Variants in STK32B observed in about 807,000 individuals in gnomAD.
The protein encoded by STK32B is serine/threonine-protein kinase 32B.
A neutral mutation model predicts 52.6 loss-of-function variants in STK32B; 43 were observed. The observed-to-expected ratio is 0.82, with a 90% CI of 0.64 to 1.05. STK32B has a LOEUF of 1.05. Ranked by LOEUF, STK32B falls within the 50% of genes least tolerant of loss-of-function variation. STK32B has a pLI of 0.00. For synonymous variants in STK32B, 238 were observed against 204.3 expected, an observed-to-expected ratio of 1.17 and a Z score of -1.41; for missense variants, 621 against 534.6, an observed-to-expected ratio of 1.16 and a Z score of -1.59.
chr4:5,350,012 T>G (rs575206597), intron 4 of STK32B, among the ~76,000 whole-genome samples: 111 of 152,170 alleles, frequency 7.3e-4, no homozygotes, highest in Admixed American at 1.2e-3. Context: ...GATATTCAAA[T>G]TTTCAGTGTC....
chr4:5,140,186 A>T (rs1356967549), intron 2 of STK32B: 3 of 1,491,484 alleles, frequency 2.0e-6, no homozygotes, highest in South Asian at 1.2e-5. Context: ...TTACAATGGT[A>T]TTTATTTCAG....
chr4:5,026,142 A>G, the STK32B span, among the ~76,000 whole-genome samples: 2 of 152,162 alleles, frequency 1.3e-5, no homozygotes, highest in African/African-American at 4.8e-5. Flanking sequence ...TCTTCTTGTG[A>G]TCTAATATTT....
intron 1 of STK32B, among the ~76,000 whole-genome samples, chr4:5,063,645 A>G (rs1191607037): frequency 6.6e-6 from 1 of 152,218 alleles, no homozygotes. Flanking sequence ...AGTGTGTAAT[A>G]AATACCAAAA....
At chr4:5,095,096 G>A (rs572705431) in intron 1 of STK32B, among the ~76,000 whole-genome samples, 1 of 152,260 alleles carries the variant, frequency 6.6e-6, no homozygotes, top group East Asian at 1.9e-4. Flanking sequence ...TAATTCAGGG[G>A]AGCAGCTACA....
At chr4:5,255,756 A>G (rs1726251402) in intron 3 of STK32B, among the ~76,000 whole-genome samples, 1 of 152,212 alleles carries the variant, frequency 6.6e-6, no homozygotes, top group African/African-American at 2.4e-5. Flanking sequence ...ACTATTGTAT[A>G]TAAGTTTAAT....
intron 3 of STK32B, among the ~76,000 whole-genome samples, chr4:5,317,296 A>G (rs1317402447): frequency 2.0e-5 from 1 of 49,564 alleles, no homozygotes; most frequent in Non-Finnish European, 3.0e-5. Context: ...CATATATATA[A>G]TATATAATAT....
Position 5,278,400 on chromosome 4 carries a change from G to A in STK32B, c.261-52820G>A, listed in dbSNP as rs76713981. ...GTTGGGGTTCAGCGCATATGTGGGCGTAGGAGATGAGACCTTGGGCCCTTG... is the reference window on the plus strand; with the variant it reads ...GTTGGGGTTCAGCGCATATGTGGGCATAGGAGATGAGACCTTGGGCCCTTG... On this transcript the variant is annotated intron_variant, in intron 3 of 11. Coordinates refer to ENST00000282908, the MANE Select transcript of STK32B (RefSeq NM_018401.3). 7.5e-3 allele frequency among the ~76,000 whole-genome samples: 1,146 copies of A among 152,248 alleles called. 13 individuals are homozygous for A. The highest frequency in any genetic ancestry group is 0.025 in the African/African-American group (1,026 of 41,556).
At chr4:5,279,057 C>G (rs1415385298) in intron 3 of STK32B, among the ~76,000 whole-genome samples, 1 of 152,120 alleles carries the variant, frequency 6.6e-6, no homozygotes, top group African/African-American at 2.4e-5. Flanking sequence ...CTGCCCCTGA[C>G]CCCTCCCAAA....
At chr4:5,202,065 A>C (rs558321810) in intron 3 of STK32B, among the ~76,000 whole-genome samples, 2 of 152,344 alleles carry the variant, frequency 1.3e-5, no homozygotes, top group African/African-American at 2.4e-5. Context: ...AGACAAGGCA[A>C]GTCCCTTCTG....
Position 5,466,784 on chromosome 4 carries a change from C to T in STK32B, c.991C>T (p.Arg331Ter), listed in dbSNP as rs1159536062. The part of the protein sequence containing the change: ...ESKPLHKKKK[R>*]LAKNRSRDGT... ...CAAGCCACTTCACAAAAAGAAGAAG[C>T]GATTGGCAAAGAACAGATCCAGGGA... Residue 331 changes from arginine (R) to a stop codon, truncating the protein, a stop_gained, in exon 10 of 12, where the codon CGA becomes TGA. Transcript: ENST00000282908. LOFTEE classifies it high-confidence loss of function. 17 of 1,613,928 alleles carry T rather than the reference C, an allele frequency of 1.1e-5. No homozygotes were observed. The highest frequency in any genetic ancestry group is 1.4e-5 in the Non-Finnish European group (16 of 1,179,928).
Position 5,494,566 on chromosome 4 carries a change from C to T in STK32B, c.1107-4379C>T, listed in dbSNP as rs539418646. Among the ~76,000 whole-genome samples the T allele has an allele frequency of 2.6e-5, 4 of 152,202 alleles. No individual in the cohort carries two copies. The East Asian group carries it at 5.8e-4, about 22-fold the overall frequency. ...TGTGTCTTTTAATTGGAGCATTTAG[C>T]CCATTTACATTTAAGGTTAATATTG... On this transcript the variant is annotated intron_variant, in intron 11 of 11. Coordinates refer to ENST00000282908, the MANE Select transcript of STK32B (RefSeq NM_018401.3).
At chr4:5,365,994 G>T (rs1577400808) in intron 4 of STK32B, among the ~76,000 whole-genome samples, 1 of 152,274 alleles carries the variant, frequency 6.6e-6, no homozygotes, top group East Asian at 1.9e-4. Context: ...ACTCACAGTT[G>T]CGCAGACTCT....
chr4:5,213,159 G>T (rs1723002926), intron 3 of STK32B, among the ~76,000 whole-genome samples: 1 of 152,044 alleles, frequency 6.6e-6, no homozygotes, highest in South Asian at 2.1e-4. Flanking sequence ...GCTGTTCTTC[G>T]ATTCCTTCTT....
chr4:5,100,791 T>TC (rs373087561), intron 1 of STK32B, among the ~76,000 whole-genome samples: 6 of 39,688 alleles, frequency 1.5e-4, no homozygotes, highest in Admixed American at 3.2e-4. Context: ...TTCCTTCCTT[T>TC]ATTCCTTCCC....
In STK32B at chr4:5,491,662, A is replaced by G. The variant is rs907470413; in HGVS notation, c.1107-7283A>G. Among the ~76,000 whole-genome samples, 120 of 152,048 alleles carry G rather than the reference A, an allele frequency of 7.9e-4. 1 individual carries two copies. Among genetic ancestry groups the G allele is most frequent in the African/African-American group, 1.6e-3 (65 of 41,496 alleles). Reference sequence around the variant, plus strand: ...ACATGAAGTCCTTGCCCATGCCTATATCCTGAATGGTAATGCCTAGGTTTT... The same window carrying G: ...ACATGAAGTCCTTGCCCATGCCTATGTCCTGAATGGTAATGCCTAGGTTTT... On this transcript the variant is annotated intron_variant, in intron 11 of 11. Transcript: ENST00000282908.
At chr4:5,425,178 C>G (rs947795978) in intron 6 of STK32B, among the ~76,000 whole-genome samples, 1 of 152,150 alleles carries the variant, frequency 6.6e-6, no homozygotes, top group Non-Finnish European at 1.5e-5. Context: ...GGACCAGTAG[C>G]ACAAGCTGAG....
intron 3 of STK32B, among the ~76,000 whole-genome samples, chr4:5,316,867 AT>A (rs1730904477): frequency 1.0e-4 from 1 of 9,578 alleles, no homozygotes; most frequent in Non-Finnish European, 1.3e-4. Flanking sequence ...TATATTATAT[AT>A]TATATATAAT....
chr4:5,175,511 C>T (rs890249192), intron 3 of STK32B, among the ~76,000 whole-genome samples: 1 of 152,136 alleles, frequency 6.6e-6, no homozygotes, highest in Non-Finnish European at 1.5e-5. Context: ...TTTTAGTTTT[C>T]CTTCTAACAG....
At chr4:5,455,353 C>G (rs1350084683) in intron 7 of STK32B, among the ~76,000 whole-genome samples, 1 of 152,208 alleles carries the variant, frequency 6.6e-6, no homozygotes, top group African/African-American at 2.4e-5. Flanking sequence ...TGGTGACAGT[C>G]CAATGACCAC....
Sources: allele counts gnomAD v4.1 joint callset (sites outside exome capture counted in the v4.1 genomes callset), GRCh38; gene constraint gnomAD v4.1.1; transcripts MANE v1.5; gene names NCBI Gene and HGNC (gene_info 2026-07-23, HGNC 2026-07-21).